TESK2: variants seen among roughly 807,000 people sequenced by gnomAD.
TESK2 encodes the protein dual specificity testis-specific protein kinase 2.
TESK2 carries 39 observed loss-of-function variants against 57.1 expected under a neutral mutation model. The observed-to-expected ratio is 0.68, with a 90% CI of 0.53 to 0.89. TESK2 has a LOEUF of 0.89. Ranked by LOEUF, TESK2 falls within the 40% of genes least tolerant of loss-of-function variation. The probability of loss-of-function intolerance (pLI) is 0.00; values close to 1 mark genes in which losing one functional copy is unlikely to be tolerated. For synonymous variants in TESK2, 249 were observed against 267.9 expected (o/e 0.93, Z 0.69); for missense variants, 646 against 732.1 (o/e 0.88, Z 1.36).
At position 45,358,186 on chromosome 1, in the gene TESK2, G is replaced by A. The variant is rs185158976; in HGVS notation, c.394-2737C>T. Among the ~76,000 whole-genome samples the A allele has an allele frequency of 2.6e-5, 4 of 151,570 alleles. No individual in the cohort carries two copies. The East Asian group carries it at 5.8e-4, about 22-fold the overall frequency. On this transcript the variant is annotated intron_variant, in intron 4 of 10. Transcript: ENST00000372086. The stretch of plus-strand genomic sequence containing the variant: ...AAATTAGCCGGGCGTGGTTGCAGGC[G>A]CCTGTAGTCCCAGCTACTCGGGAAG...
At chr1:45,370,686 G>C (rs1648141311) in intron 4 of TESK2, among the ~76,000 whole-genome samples, 1 of 152,130 alleles carries the variant, frequency 6.6e-6, no homozygotes, top group South Asian at 2.1e-4. Flanking sequence ...CAAAGAAAAA[G>C]TCTGGTGCAG....
At chr1:45,476,033 C>A (rs1652976993) in intron 1 of TESK2, among the ~76,000 whole-genome samples, 1 of 152,186 alleles carries the variant, frequency 6.6e-6, no homozygotes, top group Non-Finnish European at 1.5e-5. Flanking sequence ...TGCTCCTCAA[C>A]TTGCAGACGG....
chr1:45,346,541 G>A (rs1647146193), intron 9 of TESK2, 152 bp downstream of exon 9: 1 of 658,004 alleles, frequency 1.5e-6, no homozygotes, highest in Admixed American at 2.5e-5. Flanking sequence ...TAGGTTAGCT[G>A]CCAGAGGGAG....
intron 2 of TESK2, among the ~76,000 whole-genome samples, chr1:45,452,432 C>T (rs1160622898): frequency 6.6e-6 from 1 of 152,068 alleles, no homozygotes; most frequent in Non-Finnish European, 1.5e-5. Context: ...AAAATCAACA[C>T]AACAGAAGAA....
chr1:45,413,736 C>A, intron 3 of TESK2: 1 of 428,838 alleles, frequency 2.3e-6, no homozygotes, highest in Non-Finnish European at 4.6e-6. Context: ...GTCTCATCTA[C>A]TCAGCCACCT....
chr1:45,476,251 A>G (rs890054705), intron 1 of TESK2, among the ~76,000 whole-genome samples: 7 of 152,212 alleles, frequency 4.6e-5, no homozygotes, highest in African/African-American at 1.7e-4. Context: ...TCACACCTGT[A>G]ATCCCAGCAC....
intron 1 of TESK2, among the ~76,000 whole-genome samples, chr1:45,484,000 TA>T (rs35727304): frequency 9.8e-4 from 141 of 144,280 alleles, no homozygotes; most frequent in Middle Eastern, 3.5e-3. Context: ...GATTCTGTCT[TA>T]AAAAAAAAAA....
intron 3 of TESK2, among the ~76,000 whole-genome samples, chr1:45,400,036 T>C (rs1422108826): frequency 6.6e-6 from 1 of 152,190 alleles, no homozygotes; most frequent in African/African-American, 2.4e-5. Flanking sequence ...CCAGAACCTG[T>C]GACTGTGTCG....
At chr1:45,417,399 T>C (rs983331362) in intron 3 of TESK2, among the ~76,000 whole-genome samples, 20 of 151,858 alleles carry the variant, frequency 1.3e-4, no homozygotes, top group African/African-American at 4.6e-4. Flanking sequence ...ACCCGGCTAA[T>C]TTTATATTTT....
In TESK2 at chr1:45,344,834, A is replaced by T. The variant is rs768544697; in HGVS notation, c.*6T>A. ...ATCCCCAAGGTGAGGCAGGGACTAA[A>T]CCCCCTCACCCATCCTGCTTTCCCT... On this transcript the variant is annotated 3_prime_UTR_variant, in exon 11 of 11. Coordinates refer to ENST00000372086, the MANE Select transcript of TESK2 (RefSeq NM_007170.3). 6.2e-7 allele frequency: 1 copy of T among 1,608,956 alleles called. No homozygotes were observed. Among genetic ancestry groups the T allele is most frequent in the East Asian group, 2.2e-5 (1 of 44,854 alleles).
intron 3 of TESK2, chr1:45,398,691 T>C (rs1263992385): frequency 4.3e-6 from 1 of 232,338 alleles, no homozygotes; most frequent in East Asian, 1.0e-4. Flanking sequence ...TGGAAGAGAA[T>C]AGCTACTTGT....
intron 3 of TESK2, among the ~76,000 whole-genome samples, chr1:45,395,251 C>G (rs554249088): frequency 6.6e-6 from 1 of 152,238 alleles, no homozygotes; most frequent in South Asian, 2.1e-4. Flanking sequence ...AGTGTACTTA[C>G]ATAAACCTGG....
chr1:45,393,738 CAA>C (rs34270037), intron 3 of TESK2, among the ~76,000 whole-genome samples: 39 of 88,388 alleles, frequency 4.4e-4, no homozygotes, highest in Admixed American at 1.0e-3. Flanking sequence ...GACTCCGTCT[CAA>C]AAAAAAAAAA....
chr1:45,400,559 G>A (rs1454538710), intron 3 of TESK2, among the ~76,000 whole-genome samples: 1 of 152,178 alleles, frequency 6.6e-6, no homozygotes, highest in East Asian at 1.9e-4. Context: ...ACAAATTTTA[G>A]ACTTTAACTC....
chr1:45,466,930 T>A (rs1320475611), intron 1 of TESK2, among the ~76,000 whole-genome samples: 1 of 152,000 alleles, frequency 6.6e-6, no homozygotes, highest in Non-Finnish European at 1.5e-5. Flanking sequence ...TAGTACCTAA[T>A]AAACAATAAG....
rs1165254246 is a variant in TESK2 at position 45,345,133 on chromosome 1, C to T, written c.1423G>A (p.Glu475Lys). Residue 475 changes from glutamate to lysine, a missense_variant, in exon 11 of 11, where the codon GAA becomes AAA. Transcript: ENST00000372086. ...HQEACPFVGR[E>K]ESLSDGPPPR... ...GGGGGCCCATCAGATAGCGATTCTT[C>T]CCGGCCCACAAATGGACAAGCCTCT... 6.2e-7 allele frequency: 1 copy of T among 1,614,162 alleles called. No individual in the cohort carries two copies. Among genetic ancestry groups the T allele is most frequent in the Non-Finnish European group, 8.5e-7 (1 of 1,180,038 alleles).
chr1:45,453,947 T>C (rs1314381786), intron 2 of TESK2, among the ~76,000 whole-genome samples: 1 of 151,844 alleles, frequency 6.6e-6, no homozygotes, highest in East Asian at 1.9e-4. Flanking sequence ...TTTAGAAAAA[T>C]GCAAATCAAA....
chr1:45,486,607 G>A (rs926914807), intron 1 of TESK2, among the ~76,000 whole-genome samples: 27 of 150,840 alleles, frequency 1.8e-4, no homozygotes, highest in Admixed American at 1.3e-4. Flanking sequence ...CCTGGGAAGC[G>A]GAGCTTGCAG....
chr1:45,467,438 A>C (rs1652599922), intron 1 of TESK2, among the ~76,000 whole-genome samples: 1 of 151,712 alleles, frequency 6.6e-6, no homozygotes, highest in Non-Finnish European at 1.5e-5. Context: ...TCCGCCTCCC[A>C]GGTTCAAGGG....
Sources: allele counts gnomAD v4.1 joint callset (sites outside exome capture counted in the v4.1 genomes callset), GRCh38; gene constraint gnomAD v4.1.1; transcripts MANE v1.5; gene names NCBI Gene and HGNC (gene_info 2026-07-23, HGNC 2026-07-21).